Variants in CENPK observed in about 807,000 individuals in gnomAD.
CENPK encodes centromere protein K, also known as SoxLZ/Sox6-binding protein Solt.
CENPK carries 46 observed loss-of-function variants against 40.9 expected under a neutral mutation model. The observed-to-expected ratio is 1.13, with a 90% CI of 0.89 to 1.44. CENPK has a LOEUF of 1.44. Among genes scored for constraint, CENPK ranks in the 40% most tolerant of loss-of-function variants. The pLI is 0.00. For missense variants in CENPK, 288 were observed against 303.5 expected, an observed-to-expected ratio of 0.95 and a Z score of 0.38; for synonymous variants, 107 against 104.4, an observed-to-expected ratio of 1.02 and a Z score of -0.15.
At chr5:65,500,805 G>C in the CENPK span, among the ~76,000 whole-genome samples, 4 of 152,098 alleles carry the variant, frequency 2.6e-5, no homozygotes, top group African/African-American at 9.7e-5. Context: ...TGGGACTACA[G>C]GTACACACCA....
intron 5 of CENPK, among the ~76,000 whole-genome samples, chr5:65,547,234 A>G (rs1230924229): frequency 2.0e-5 from 3 of 152,150 alleles, no homozygotes; most frequent in Admixed American, 2.0e-4. Context: ...CTCTACTACA[A>G]ATACAAAAAT....
chr5:65,545,324 G>A (rs6863726), intron 5 of CENPK, among the ~76,000 whole-genome samples: 1,294 of 64,114 alleles, frequency 0.02, 258 homozygotes, highest in South Asian at 0.066. Flanking sequence ...CTCAAAGCGC[G>A]CACACACACA....
intron 5 of CENPK, chr5:65,551,147 G>A: frequency 2.5e-6 from 1 of 397,800 alleles, no homozygotes; most frequent in Non-Finnish European, 4.9e-6. Flanking sequence ...CTACTCAGGA[G>A]GCTGAGGTAG....
chr5:65,544,833 T>C (rs1166738530), intron 5 of CENPK, among the ~76,000 whole-genome samples: 1 of 152,064 alleles, frequency 6.6e-6, no homozygotes, highest in African/African-American at 2.4e-5. Flanking sequence ...ACTAATCAAA[T>C]TAATAGAAAG....
At chr5:65,549,112 T>C (rs762357128) in intron 5 of CENPK, among the ~76,000 whole-genome samples, 2 of 152,204 alleles carry the variant, frequency 1.3e-5, no homozygotes, top group Non-Finnish European at 2.9e-5. Context: ...AGAACAGATG[T>C]TGCATCAACA....
At chr5:65,528,132 T>A (rs768758996) in intron 9 of CENPK, among the ~76,000 whole-genome samples, 2 of 152,110 alleles carry the variant, frequency 1.3e-5, no homozygotes, top group Non-Finnish European at 2.9e-5. Flanking sequence ...TCCCAGCTAC[T>A]CTGAAGGCTA....
chr5:65,509,662 A>T, the CENPK span, among the ~76,000 whole-genome samples: 4 of 152,190 alleles, frequency 2.6e-5, no homozygotes, highest in Non-Finnish European at 5.9e-5. Flanking sequence ...CTAGGAGTGT[A>T]ATGCTAGATC....
chr5:65,496,447 A>G, the CENPK span, among the ~76,000 whole-genome samples: 1 of 152,196 alleles, frequency 6.6e-6, no homozygotes, highest in Non-Finnish European at 1.5e-5. Context: ...CAGTAGCCTT[A>G]AAAATGTTTT....
chr5:65,532,312 T>C (rs758676767), intron 6 of CENPK, among the ~76,000 whole-genome samples: 16 of 152,194 alleles, frequency 1.1e-4, no homozygotes, highest in Non-Finnish European at 2.4e-4. Flanking sequence ...GATGGTTTCT[T>C]CTGTGACTTC....
intron 10 of CENPK, among the ~76,000 whole-genome samples, chr5:65,521,075 A>G (rs996844663): frequency 1.3e-5 from 2 of 152,118 alleles, no homozygotes; most frequent in African/African-American, 4.8e-5. Flanking sequence ...CTTTAAGTTC[A>G]TTACGTATTT....
In CENPK at chr5:65,523,244, A is replaced by G. The variant is rs181395730; in HGVS notation, c.598-1716T>C. 2.4e-3 allele frequency among the ~76,000 whole-genome samples: 357 copies of G among 149,472 alleles called. 2 individuals are homozygous for G. The highest frequency in any genetic ancestry group is 8.8e-3 in the African/African-American group (343 of 38,938). ...GTAAACTTTGATAGCCACATATTCT[A>G]TCTCTTTAAGTTATTGTTAAAAATG... On this transcript the variant is annotated intron_variant, in intron 9 of 10. Coordinates refer to ENST00000396679, the MANE Select transcript of CENPK (RefSeq NM_022145.5).
At chr5:65,533,349 C>CT (rs1326304434) in intron 6 of CENPK, among the ~76,000 whole-genome samples, 3 of 62,332 alleles carry the variant, frequency 4.8e-5, no homozygotes, top group East Asian at 1.1e-3. Context: ...GACCCTGTAT[C>CT]AAAATAAATA....
downstream of CENPK, among the ~76,000 whole-genome samples, chr5:65,514,736 T>C (rs1279184397): frequency 6.6e-6 from 1 of 152,220 alleles, no homozygotes; most frequent in Non-Finnish European, 1.5e-5. Context: ...ATTCAATTTA[T>C]TTTATAAGTT....
chr5:65,514,008 G>T (rs1742679259), downstream of CENPK, among the ~76,000 whole-genome samples: 1 of 152,058 alleles, frequency 6.6e-6, no homozygotes, highest in Admixed American at 6.6e-5. Context: ...ATAATGTAAT[G>T]GACTGTATGA....
At chr5:65,506,873 A>C in the CENPK span, among the ~76,000 whole-genome samples, 1 of 152,180 alleles carries the variant, frequency 6.6e-6, no homozygotes, top group Non-Finnish European at 1.5e-5. Context: ...CTATTCTATA[A>C]AACTAATTTT....
At chr5:65,562,534 T>G (rs1012843130) in intron 1 of CENPK, among the ~76,000 whole-genome samples, 5 of 152,138 alleles carry the variant, frequency 3.3e-5, no homozygotes, top group Non-Finnish European at 2.9e-5. Context: ...AAAAAAGAAG[T>G]GTTTTACGGA....
chr5:65,555,158 G>T, intron 2 of CENPK: 1 of 261,682 alleles, frequency 3.8e-6, no homozygotes, highest in Non-Finnish European at 7.0e-6. Context: ...TAAGTGCCAT[G>T]GAGAAAAGAC....
chr5:65,504,065 G>A, the CENPK span, among the ~76,000 whole-genome samples: 1 of 151,930 alleles, frequency 6.6e-6, no homozygotes, highest in Non-Finnish European at 1.5e-5. Flanking sequence ...ATTATACTAA[G>A]TATGAATATC....
At chr5:65,555,218 A>T (rs957926918) in intron 2 of CENPK, 3 of 186,014 alleles carry the variant, frequency 1.6e-5, no homozygotes, top group Non-Finnish European at 3.3e-5. Flanking sequence ...AATTTTAAAT[A>T]AGGTGGTCAT....
Sources: gnomAD v4.1 joint callset for allele counts (sites outside exome capture counted in the v4.1 genomes callset) on GRCh38, gnomAD v4.1.1 for gene constraint, MANE v1.5 for transcripts, NCBI Gene and HGNC (gene_info 2026-07-23, HGNC 2026-07-21) for gene names.